The following KLRK1 variants were observed in gnomAD, a reference collection of about 807,000 sequenced individuals.
The protein encoded by KLRK1 is killer cell lectin like receptor K1, also known as NKG2-D type II integral membrane protein.
Under a neutral mutation model 31.3 loss-of-function variants are expected in KLRK1, and 40 were observed. The observed-to-expected ratio is 1.28, with a 90% confidence interval of 0.99 to 1.67. KLRK1 has a LOEUF of 1.67. KLRK1 is among the 40% of genes most tolerant of loss of function. The pLI, the probability that KLRK1 is intolerant of heterozygous loss-of-function variation, is 0.00. For synonymous variants in KLRK1, 77 were observed against 77.3 expected (o/e 1.00, Z 0.02); for missense variants, 251 against 260.0 (o/e 0.97, Z 0.24).
Position 10,378,647 on chromosome 12 carries a change from T to C in KLRK1, c.336A>G (p.Gln112=), listed in dbSNP as rs765012832. 5.0e-6 allele frequency: 8 copies of C among 1,609,988 alleles called. No homozygotes were observed. The highest frequency in any genetic ancestry group is 1.7e-6 in the Non-Finnish European group (2 of 1,179,170). ...NWICYKNNCY[Q]FFDESKNWYE... Reference sequence around the variant, plus strand: ...ACCAGTTTTTACTCTCATCAAAAAATTGGTAGCAGTTATTTTTGTAACATA... The same window carrying C: ...ACCAGTTTTTACTCTCATCAAAAAACTGGTAGCAGTTATTTTTGTAACATA... The change falls in exon 6 of 8, where the codon CAA becomes CAG. Residue 112 remains glutamine (Q), a synonymous_variant. Transcript: ENST00000240618.
chr12:10,374,560 A>T (rs1054516487), intron 7 of KLRK1, among the ~76,000 whole-genome samples: 49 of 151,760 alleles, frequency 3.2e-4, no homozygotes, highest in African/African-American at 1.0e-3. Context: ...ACATCTGGCT[A>T]ATTTTTGTAT....
chr12:10,379,441 A>C lies in KLRK1; in HGVS notation c.277+6T>G. On this transcript the variant is annotated splice_donor_region_variant and intron_variant, in intron 5 of 7. Transcript: ENST00000240618. ...ATGATCTAAAATATTTTAAAAATTCACTTACCGGTCAAGGGAATTTGAACT... is the reference window on the plus strand; with the variant it reads ...ATGATCTAAAATATTTTAAAAATTCCCTTACCGGTCAAGGGAATTTGAACT... The C allele has an allele frequency of 6.9e-7, 1 of 1,442,968 alleles. No homozygotes were observed. Among genetic ancestry groups the C allele is most frequent in the Non-Finnish European group, 9.5e-7 (1 of 1,049,898 alleles). The allele number at this position is 1,442,968 out of a possible 1,614,324, so 89.4% of individuals were successfully genotyped here.
At chr12:10,383,688 G>A (rs1180361320) in intron 3 of KLRK1, among the ~76,000 whole-genome samples, 5 of 152,048 alleles carry the variant, frequency 3.3e-5, no homozygotes, top group Non-Finnish European at 7.4e-5. Context: ...TCCAACTGCT[G>A]CAAAATACAC....
intron 7 of KLRK1, among the ~76,000 whole-genome samples, chr12:10,376,022 T>C (rs1018068157): frequency 6.6e-6 from 1 of 152,162 alleles, no homozygotes; most frequent in African/African-American, 2.4e-5. Flanking sequence ...TGTAAAGATA[T>C]GCAGAAGGTC....
At chr12:10,383,614 G>A (rs1863115665) in intron 3 of KLRK1, among the ~76,000 whole-genome samples, 1 of 151,926 alleles carries the variant, frequency 6.6e-6, no homozygotes, top group African/African-American at 2.4e-5. Context: ...AATCATAAAA[G>A]AAACATCAGA....
intron 5 of KLRK1, chr12:10,378,952 GATAC>G (rs1245231244): frequency 3.1e-6 from 1 of 319,352 alleles, no homozygotes; most frequent in African/African-American, 2.2e-5. Flanking sequence ...TTAGAAGTTT[GATAC>G]CAGCCTGGCC....
intron 3 of KLRK1, among the ~76,000 whole-genome samples, chr12:10,383,689 C>T (rs967418477): frequency 1.3e-5 from 2 of 152,032 alleles, no homozygotes; most frequent in African/African-American, 4.8e-5. Context: ...CCAACTGCTG[C>T]AAAATACACA....
Position 10,372,383 on chromosome 12 carries a change from A to C in KLRK1, c.*731T>G, listed in dbSNP as rs1862878023. 1 of 152,274 alleles carries C rather than the reference A, an allele frequency of 6.6e-6. No homozygotes were observed. Among genetic ancestry groups the C allele is most frequent in the Admixed American group, 6.5e-5 (1 of 15,288 alleles). The allele number at this position is 152,274 out of a possible 1,614,324, so 9.4% of individuals were successfully genotyped here. ...GAGACTCAAGATTCTATTTATTCAG[A>C]GGCAAAATTCCTTCTTAACTGTGAA... is the stretch of plus-strand genomic sequence containing the variant. On this transcript the variant is annotated 3_prime_UTR_variant, in exon 8 of 8. Transcript: ENST00000240618.
chr12:10,379,804 A>AAAAG lies in KLRK1; in HGVS notation c.149-16_149-13dup. On this transcript the variant is annotated splice_polypyrimidine_tract_variant and intron_variant, in intron 3 of 7. Coordinates refer to ENST00000240618, the MANE Select transcript of KLRK1 (RefSeq NM_007360.4). ...AAAAAATGGAGATGCTGTCAAAGAA[A>AAAAG]AAAGACACAGATCAGAGAAAGAAGC... 1 of 1,609,320 alleles carries AAAAG rather than the reference A, an allele frequency of 6.2e-7. No homozygotes were observed.
At position 10,379,776 on chromosome 12, in the gene KLRK1, G is replaced by GA. The variant is rs756606329; in HGVS notation, c.164dup (p.Cys56LeufsTer46). On this transcript the variant is annotated frameshift_variant, in exon 4 of 8. Transcript: ENST00000240618. LOFTEE classifies it high-confidence loss of function. Reference sequence around the variant, plus strand: ...CCATGGCTACAGCGATGAAGCAGCAGAAAAAAAATGGAGATGCTGTCAAAG... The same window carrying GA: ...CCATGGCTACAGCGATGAAGCAGCAGAAAAAAAAATGGAGATGCTGTCAAAG... 1.6e-5 allele frequency: 26 copies of GA among 1,609,128 alleles called. No homozygotes were observed. Among genetic ancestry groups the GA allele is most frequent in the African/African-American group, 1.5e-4 (11 of 74,588 alleles).
At chr12:10,376,855 C>T (rs899631951) in intron 7 of KLRK1, among the ~76,000 whole-genome samples, 3 of 151,994 alleles carry the variant, frequency 2.0e-5, no homozygotes, top group African/African-American at 7.3e-5. Flanking sequence ...CTTGCTCTGT[C>T]ACTCAGGCTG....
At chr12:10,387,137 A>T (rs1863180788) in intron 2 of KLRK1, 127 bp from the exon 3 acceptor site, 3 of 607,652 alleles carry the variant, frequency 4.9e-6, no homozygotes, top group Admixed American at 6.8e-5. Context: ...AAAGTACAAC[A>T]TGAACTTACT....
chr12:10,376,442 A>C (rs1005311385), intron 7 of KLRK1, among the ~76,000 whole-genome samples: 5 of 152,212 alleles, frequency 3.3e-5, no homozygotes, highest in African/African-American at 1.2e-4. Context: ...TAATCAATGA[A>C]TCAAAGAATG....
rs776831733 is a variant in KLRK1, at chr12:10,379,817, C to G, written c.149-25G>C. On this transcript the variant is annotated intron_variant, in intron 3 of 7. Coordinates refer to ENST00000240618, the MANE Select transcript of KLRK1 (RefSeq NM_007360.4). ...GCTGTCAAAGAAAAAAGACACAGATCAGAGAAAGAAGCATAAAAGGTTTGG... is the reference window on the plus strand; with the variant it reads ...GCTGTCAAAGAAAAAAGACACAGATGAGAGAAAGAAGCATAAAAGGTTTGG... 4.4e-5 allele frequency: 71 copies of G among 1,601,360 alleles called. 2 individuals are homozygous for G. The South Asian group carries it at 8.0e-4, about 18-fold the overall frequency.
rs535161892 is a variant in KLRK1, at chr12:10,388,681, C to T, written c.40+90G>A. ...ACATGAAAAGAATCAGAGTAAATTGCTTGCCTATGCCTTATATGCTTGTAT... is the reference window on the plus strand; with the variant it reads ...ACATGAAAAGAATCAGAGTAAATTGTTTGCCTATGCCTTATATGCTTGTAT... On this transcript the variant is annotated intron_variant, in intron 2 of 7. Transcript: ENST00000240618. 19 of 1,446,760 alleles carry T rather than the reference C, an allele frequency of 1.3e-5. No individual in the cohort carries two copies. The African/African-American group carries it at 2.3e-4, about 17-fold the overall frequency. The allele number at this position is 1,446,760 out of a possible 1,614,324, so 89.6% of individuals were successfully genotyped here.
Position 10,386,915 on chromosome 12 carries a change from A to C in KLRK1, c.136T>G (p.Cys46Gly). The change falls in exon 3 of 8, where the codon TGT (cysteine) becomes GGT (glycine). Residue 46 changes from cysteine to glycine, a missense_variant. Physicochemically the swap from Cys to Gly is radical, Grantham distance 159. Coordinates refer to ENST00000240618, the MANE Select transcript of KLRK1 (RefSeq NM_007360.4). ...ACATAGGACTTACCATTTTCTCTAC[A>C]TTTGCTTTTGACTACTGGACATCTT... ...KQRCPVVKSK[C>G]RENASPFFFC... 6.2e-7 allele frequency: 1 copy of C among 1,612,018 alleles called. No homozygotes were observed. The highest frequency in any genetic ancestry group is 8.5e-7 in the Non-Finnish European group (1 of 1,179,104).
intron 3 of KLRK1, chr12:10,382,090 G>A (rs1863086287): frequency 6.6e-6 from 1 of 152,292 alleles, no homozygotes; most frequent in African/African-American, 2.4e-5. Context: ...GCTGACTAAA[G>A]TGGCCTTGGT....
rs1662201940 is a variant in KLRK1 at position 10,372,527 on chromosome 12, A to G, written c.*587T>C. 1 of 152,262 alleles carries G rather than the reference A, an allele frequency of 6.6e-6. No homozygotes were observed. The highest frequency in any genetic ancestry group is 6.7e-5 in the Admixed American group (1 of 15,014). The allele number at this position is 152,262 out of a possible 1,614,324, so 9.4% of individuals were successfully genotyped here. A position where few individuals can be genotyped will look rare whatever the true frequency, so the allele number is the denominator to read the frequency against. ...AGAGAAACAGTCATGGGACTCAAGC[A>G]AGTACAAATCATAGCAAAGGAAACG... is the stretch of plus-strand genomic sequence containing the variant. On this transcript the variant is annotated 3_prime_UTR_variant, in exon 8 of 8. Transcript: ENST00000240618.
chr12:10,373,859 G>A (rs1427099803), intron 7 of KLRK1, among the ~76,000 whole-genome samples: 1 of 152,166 alleles, frequency 6.6e-6, no homozygotes, highest in African/African-American at 2.4e-5. Context: ...GCTCAAGAAA[G>A]AGTGAGGATG....
Sources: gnomAD v4.1 joint callset for allele counts (sites outside exome capture counted in the v4.1 genomes callset) on GRCh38, gnomAD v4.1.1 for gene constraint, MANE v1.5 for transcripts, NCBI Gene and HGNC (gene_info 2026-07-23, HGNC 2026-07-21) for gene names.